PLEKHS1: variants seen among roughly 807,000 people sequenced by gnomAD.
PLEKHS1 encodes pleckstrin homology domain containing S1.
Under a neutral mutation model 51.0 loss-of-function variants are expected in PLEKHS1, and 55 were observed. The observed-to-expected ratio is 1.08, with a 90% CI of 0.87 to 1.35. PLEKHS1 has a LOEUF of 1.35. PLEKHS1 is among the 40% of genes most tolerant of loss of function. The probability of loss-of-function intolerance (pLI) is 0.00; values close to 1 mark genes in which losing one functional copy is unlikely to be tolerated. For synonymous variants in PLEKHS1, 153 were observed against 144.8 expected, an observed-to-expected ratio of 1.06 and a Z score of -0.41; for missense variants, 398 against 423.0, an observed-to-expected ratio of 0.94 and a Z score of 0.52.
chr10:113,780,581 T>G, intron 11 of PLEKHS1, 21 bp from the exon 13 acceptor site: 1 of 1,603,920 alleles, frequency 6.2e-7, no homozygotes, highest in Non-Finnish European at 8.5e-7. Flanking sequence ...CCATTTAACT[T>G]TCTTCTTTCT....
chr10:113,767,534 C>CA (rs1844221019), intron 5 of PLEKHS1, 55 bp downstream of exon 5: 2 of 1,501,928 alleles, frequency 1.3e-6, no homozygotes, highest in Admixed American at 2.2e-5. Context: ...AAAAACAAAC[C>CA]AAAAAACAAA....
chr10:113,780,518 A>T, intron 11 of PLEKHS1, 84 bp from the exon 13 acceptor site: 1 of 1,302,636 alleles, frequency 7.7e-7, no homozygotes, highest in Non-Finnish European at 1.1e-6. Context: ...CCAGCTCCCA[A>T]GGGTATGAAT....
intron 11 of PLEKHS1, among the ~76,000 whole-genome samples, chr10:113,776,910 A>G (rs2134579294): frequency 6.6e-6 from 1 of 152,334 alleles, no homozygotes; most frequent in East Asian, 1.9e-4. Flanking sequence ...GTAGGATTTC[A>G]TGGGCCTTTG....
chr10:113,768,932 C>T (rs1480268803), intron 6 of PLEKHS1, 42 bp downstream of exon 6: 1 of 1,463,188 alleles, frequency 6.8e-7, no homozygotes, highest in Non-Finnish European at 9.4e-7. Context: ...CACCTGAACA[C>T]AACCCTCTTT....
rs113331187 is a variant in PLEKHS1 at position 113,777,810 on chromosome 10, T to C, written c.1091+1944T>C. On this transcript the variant is annotated intron_variant, in intron 11 of 11. Transcript: ENST00000361048. ...AATCGTCACAGCCCTAACTTCCTCA[T>C]AGAATATTGCAAGAATTAAACATAA... The C allele has an allele frequency of 1.0e-4, 148 of 1,412,344 alleles. No individual in the cohort carries two copies. In the African/African-American group the frequency reaches 1.6e-3, roughly 15 times the overall value. 87.5% of individuals were successfully genotyped at this position (1,412,344 alleles called of 1,614,324 possible).
chr10:113,774,858 A>C (rs1307583618), exon 10 of PLEKHS1: 2 of 1,614,126 alleles, frequency 1.2e-6, no homozygotes, highest in South Asian at 2.2e-5. Flanking sequence ...GAGTCTGTGG[A>C]TAGCAGCAAA....
At chr10:113,761,287 AG>A (rs1299254831) in intron 2 of PLEKHS1, among the ~76,000 whole-genome samples, 1 of 152,098 alleles carries the variant, frequency 6.6e-6, no homozygotes, top group Admixed American at 6.6e-5. Context: ...GATGATTTTG[AG>A]GATTAGCTTT....
At chr10:113,755,733 C>A (rs941010178) in intron 2 of PLEKHS1, among the ~76,000 whole-genome samples, 1 of 152,156 alleles carries the variant, frequency 6.6e-6, no homozygotes, top group African/African-American at 2.4e-5. Context: ...TAATGGGTGG[C>A]ATTCTGTGAC....
At chr10:113,757,984 G>T (rs1316066325) in intron 2 of PLEKHS1, among the ~76,000 whole-genome samples, 1 of 152,134 alleles carries the variant, frequency 6.6e-6, no homozygotes, top group Non-Finnish European at 1.5e-5. Flanking sequence ...CATCTTCAGG[G>T]TTCACTTCTA....
At chr10:113,758,284 A>T (rs1843764117) in intron 2 of PLEKHS1, among the ~76,000 whole-genome samples, 1 of 152,234 alleles carries the variant, frequency 6.6e-6, no homozygotes, top group Non-Finnish European at 1.5e-5. Flanking sequence ...AAGACTTAAA[A>T]GTTGAAATTA....
intron 1 of PLEKHS1, 141 bp from the exon 2 acceptor site, chr10:113,755,117 GA>G (rs879706604): frequency 1.1e-5 from 9 of 837,436 alleles, no homozygotes; most frequent in Non-Finnish European, 1.6e-5. Flanking sequence ...AAATACTAAA[GA>G]AAGGATGGGA....
rs747146672 is a variant in PLEKHS1, at chr10:113,767,400, A to T, written c.280A>T (p.Lys94Ter). Residue 94 changes from lysine (K) to a stop codon, truncating the protein, a stop_gained, in exon 5 of 12, where the codon AAG becomes TAG. Coordinates refer to ENST00000361048, the Ensembl canonical transcript of PLEKHS1. LOFTEE classifies it high-confidence loss of function. The stretch of plus-strand genomic sequence containing the variant: ...CCAGGAAAAGATGCAATCTGTGCAG[A>T]AGATGTTTAAATGCCACCCTGATGA... 16 of 1,612,834 alleles carry T rather than the reference A, an allele frequency of 9.9e-6. No homozygotes were observed. Among genetic ancestry groups the T allele is most frequent in the Non-Finnish European group, 1.4e-5 (16 of 1,179,250 alleles).
chr10:113,778,500 C>T (rs747432350), intron 11 of PLEKHS1, among the ~76,000 whole-genome samples: 16 of 152,180 alleles, frequency 1.1e-4, no homozygotes, highest in Non-Finnish European at 1.6e-4. Context: ...TTCTGCACTA[C>T]GTAATAATCC....
chr10:113,757,662 C>T (rs888940576), intron 2 of PLEKHS1, among the ~76,000 whole-genome samples: 1 of 152,148 alleles, frequency 6.6e-6, no homozygotes, highest in Non-Finnish European at 1.5e-5. Flanking sequence ...TAAAATAAGA[C>T]AACAATGAAG....
chr10:113,781,775 C>T lies in PLEKHS1; in HGVS notation c.*1173C>T. 2 of 121,384 alleles carry T rather than the reference C, an allele frequency of 1.6e-5. 1 individual carries two copies. The allele number at this position is 121,384 out of a possible 1,614,324, so 7.5% of individuals were successfully genotyped here. A position where few individuals can be genotyped will look rare whatever the true frequency, so the allele number is the denominator to read the frequency against. On this transcript the variant is annotated 3_prime_UTR_variant, in exon 12 of 12. Coordinates refer to ENST00000361048, the Ensembl canonical transcript of PLEKHS1. ...AACACCTCCTTCCCAACACCTCCTT[C>T]CCCCTTCCCCAACAACTCCTTCCCC...
intron 2 of PLEKHS1, among the ~76,000 whole-genome samples, chr10:113,765,679 AT>A (rs1018654403): frequency 1.3e-5 from 2 of 152,242 alleles, no homozygotes; most frequent in African/African-American, 4.8e-5. Context: ...TACAATAAAT[AT>A]GTATCATATT....
chr10:113,766,603 A>G lies in PLEKHS1; in HGVS notation c.118-9A>G, dbSNP rs746544362. On this transcript the variant is annotated splice_polypyrimidine_tract_variant and intron_variant, in intron 3 of 11. Coordinates refer to ENST00000361048, the Ensembl canonical transcript of PLEKHS1. Reference sequence around the variant, plus strand: ...TTTAACTAAGACATAAAATCTTTTTATTTTTCAGACCTCTTGGAAAAAGCG... The same window carrying G: ...TTTAACTAAGACATAAAATCTTTTTGTTTTTCAGACCTCTTGGAAAAAGCG... 1.9e-6 allele frequency: 3 copies of G among 1,600,672 alleles called. No individual in the cohort carries two copies. The South Asian group carries it at 3.4e-5, about 18-fold the overall frequency.
At chr10:113,760,092 C>G (rs1843852144) in intron 2 of PLEKHS1, among the ~76,000 whole-genome samples, 1 of 152,180 alleles carries the variant, frequency 6.6e-6, no homozygotes, top group African/African-American at 2.4e-5. Flanking sequence ...TTGTATAGAA[C>G]TTTATATAAT....
chr10:113,751,749 C>G (rs190099884), exon 1 of PLEKHS1: 2 of 152,314 alleles, frequency 1.3e-5, no homozygotes, highest in East Asian at 1.9e-4. Context: ...GACCAGCGAC[C>G]TCTTGGCTTC....
Sources: gnomAD v4.1 joint callset for allele counts (sites outside exome capture counted in the v4.1 genomes callset) on GRCh38, gnomAD v4.1.1 for gene constraint, MANE v1.5 for transcripts, NCBI Gene and HGNC (gene_info 2026-07-23, HGNC 2026-07-21) for gene names.